APBB2: variants seen among roughly 807,000 people sequenced by gnomAD.
The protein encoded by APBB2 is amyloid beta precursor protein binding family B member 2.
APBB2 carries 38 observed loss-of-function variants against 82.5 expected under a neutral mutation model. The observed-to-expected ratio is 0.46, with a 90% CI of 0.36 to 0.60. The LOEUF (loss-of-function observed/expected upper bound fraction) is 0.60, where lower values mean the gene tolerates loss of function less well. APBB2 is among the 20% of genes least tolerant of loss of function. APBB2 has a pLI of 0.00. For missense variants in APBB2, 772 were observed against 972.3 expected, an observed-to-expected ratio of 0.79 and a Z score of 2.74; for synonymous variants, 341 against 368.2, an observed-to-expected ratio of 0.93 and a Z score of 0.85.
At chr4:41,063,922 G>A (rs902050530) in intron 4 of APBB2, among the ~76,000 whole-genome samples, 2 of 142,764 alleles carry the variant, frequency 1.4e-5, no homozygotes, top group East Asian at 2.0e-4. Context: ...CAAGTGATCT[G>A]CCTACCTCAG....
intron 4 of APBB2, among the ~76,000 whole-genome samples, chr4:41,039,661 C>T (rs915787371): frequency 6.6e-6 from 1 of 152,032 alleles, no homozygotes; most frequent in Non-Finnish European, 1.5e-5. Flanking sequence ...GAATTCAAGA[C>T]CAGCCTGGGC....
Position 40,934,964 on chromosome 4 carries a change from G to T in APBB2, c.1107+113C>A, listed in dbSNP as rs551099494. On this transcript the variant is annotated intron_variant, in intron 8 of 17. Coordinates refer to ENST00000508593, the MANE Select transcript of APBB2 (RefSeq NM_004307.2). ...GCTGAATGCCCCTAGCAAGAAGCCC[G>T]ATCACTGTGTCCCTGCAGAATGCAT... The T allele has an allele frequency of 3.5e-5, 33 of 935,758 alleles. No homozygotes were observed. In the South Asian group the frequency reaches 5.5e-4, roughly 15 times the overall value. The allele number at this position is 935,758 out of a possible 1,614,324, so 58.0% of individuals were successfully genotyped here.
intron 6 of APBB2, among the ~76,000 whole-genome samples, chr4:40,960,359 T>C (rs35465492): frequency 0.21 from 31,597 of 151,154 alleles, 4,261 homozygotes; most frequent in East Asian, 0.5. Flanking sequence ...AATAGACCCA[T>C]GGGGTTAAGA....
At chr4:41,018,404 AG>A (rs1433536496) in intron 5 of APBB2, among the ~76,000 whole-genome samples, 4 of 152,188 alleles carry the variant, frequency 2.6e-5, no homozygotes, top group African/African-American at 9.6e-5. Context: ...AGGGTTGGAG[AG>A]GATCTTCAGG....
intron 2 of APBB2, among the ~76,000 whole-genome samples, chr4:41,101,688 G>A (rs1403322253): frequency 1.3e-5 from 2 of 151,884 alleles, no homozygotes; most frequent in Admixed American, 6.6e-5. Context: ...GGCCAGGCAC[G>A]GTGGCTCACA....
At chr4:41,142,104 T>C (rs534104395) in intron 2 of APBB2, among the ~76,000 whole-genome samples, 53 of 152,304 alleles carry the variant, frequency 3.5e-4, no homozygotes, top group African/African-American at 1.3e-3. Context: ...AAAAGGATGC[T>C]GGGCAGACAA....
At chr4:41,048,287 T>G (rs933724189) in intron 4 of APBB2, among the ~76,000 whole-genome samples, 1 of 152,214 alleles carries the variant, frequency 6.6e-6, no homozygotes, top group African/African-American at 2.4e-5. Context: ...GTTCAACTGC[T>G]AAGTATAATG....
chr4:41,040,942 G>A (rs1208000659), intron 4 of APBB2, among the ~76,000 whole-genome samples: 3 of 152,048 alleles, frequency 2.0e-5, no homozygotes, highest in South Asian at 4.2e-4. Context: ...GTGCAGTGTC[G>A]CAATCTCGGC....
intron 12 of APBB2, among the ~76,000 whole-genome samples, chr4:40,854,218 C>T (rs1191269111): frequency 2.6e-5 from 4 of 152,060 alleles, no homozygotes; most frequent in Admixed American, 6.5e-5. Flanking sequence ...TGTTAGGGCC[C>T]GAGGAATCCA....
chr4:40,816,009 G>T lies in APBB2; in HGVS notation c.*83C>A, dbSNP rs1357744982. 10 of 1,485,960 alleles carry T rather than the reference G, an allele frequency of 6.7e-6. No homozygotes were observed. The highest frequency in any genetic ancestry group is 9.2e-6 in the Non-Finnish European group (10 of 1,083,032). 92.0% of individuals were successfully genotyped at this position (1,485,960 alleles called of 1,614,324 possible). ...GAAGACAAAGCATCAGCAACTGGAT[G>T]GAAGGTCGGATGGCGGAGTTCATTT... On this transcript the variant is annotated 3_prime_UTR_variant, in exon 18 of 18. Coordinates refer to ENST00000508593, the MANE Select transcript of APBB2 (RefSeq NM_004307.2).
At chr4:41,147,923 T>G (rs1261865607) in intron 1 of APBB2, among the ~76,000 whole-genome samples, 1 of 152,170 alleles carries the variant, frequency 6.6e-6, no homozygotes, top group Non-Finnish European at 1.5e-5. Context: ...TGTTTAATTT[T>G]GGGAACCATT....
intron 3 of APBB2, among the ~76,000 whole-genome samples, chr4:41,082,593 T>C (rs1738066444): frequency 6.6e-6 from 1 of 150,854 alleles, no homozygotes; most frequent in African/African-American, 2.4e-5. Flanking sequence ...TTTTTAAGAG[T>C]TAGTGGTCCT....
In APBB2 at chr4:40,810,400, A is replaced by T. The variant is rs539060632; in HGVS notation, c.*5692T>A. Reference sequence around the variant, plus strand: ...GCCTGGACAACATGGCGAAACCCCAAAACCCCATCTCTACAAAAAATACAA... The same window carrying T: ...GCCTGGACAACATGGCGAAACCCCATAACCCCATCTCTACAAAAAATACAA... On this transcript the variant is annotated 3_prime_UTR_variant, in exon 18 of 18. Coordinates refer to ENST00000508593, the MANE Select transcript of APBB2 (RefSeq NM_004307.2). The T allele has an allele frequency of 6.6e-6, 1 of 151,960 alleles. No individual in the cohort carries two copies. Among genetic ancestry groups the T allele is most frequent in the East Asian group, 1.9e-4 (1 of 5,174 alleles). The allele number at this position is 151,960 out of a possible 1,614,324, so 9.4% of individuals were successfully genotyped here.
chr4:41,067,098 G>A (rs780170394), intron 3 of APBB2, among the ~76,000 whole-genome samples: 1 of 152,172 alleles, frequency 6.6e-6, no homozygotes, highest in Non-Finnish European at 1.5e-5. Context: ...AAATAAGGAA[G>A]ACAAGGAATT....
At chr4:40,939,726 C>G (rs547558578) in intron 7 of APBB2, among the ~76,000 whole-genome samples, 1 of 152,142 alleles carries the variant, frequency 6.6e-6, no homozygotes, top group Non-Finnish European at 1.5e-5. Context: ...TCTCAAGTTG[C>G]TGGGACTACA....
chr4:40,918,738 C>CTCCT (rs1296152780), intron 10 of APBB2, among the ~76,000 whole-genome samples: 1 of 149,808 alleles, frequency 6.7e-6, no homozygotes, highest in Admixed American at 6.7e-5. Flanking sequence ...CCCTCCCTCC[C>CTCCT]TCCTTCCTTA....
chr4:41,112,299 T>C (rs1749460692), intron 2 of APBB2, among the ~76,000 whole-genome samples: 1 of 152,206 alleles, frequency 6.6e-6, no homozygotes, highest in African/African-American at 2.4e-5. Flanking sequence ...TCGTGGAAGA[T>C]GTAGCCCAGC....
chr4:41,001,911 C>A (rs139769579), intron 6 of APBB2, among the ~76,000 whole-genome samples: 4 of 151,808 alleles, frequency 2.6e-5, no homozygotes, highest in African/African-American at 9.7e-5. Context: ...AAGAAAAAGA[C>A]AAAAGCTTAC....
intron 3 of APBB2, among the ~76,000 whole-genome samples, chr4:41,098,901 C>A (rs763391174): frequency 6.6e-6 from 1 of 152,158 alleles, no homozygotes; most frequent in Non-Finnish European, 1.5e-5. Context: ...CCAACATAAT[C>A]CTTTTTCAAA....
Sources: gnomAD v4.1 joint callset for allele counts (sites outside exome capture counted in the v4.1 genomes callset) on GRCh38, gnomAD v4.1.1 for gene constraint, MANE v1.5 for transcripts, NCBI Gene and HGNC (gene_info 2026-07-23, HGNC 2026-07-21) for gene names.